The following DLG3 variants were observed in gnomAD, a reference collection of about 807,000 sequenced individuals.
The protein encoded by DLG3 is disks large homolog 3.
DLG3 carries 1 observed loss-of-function variant against 64.1 expected under a neutral mutation model. That is an observed-to-expected ratio of 0.02 (90% CI 0.01 to 0.07). The LOEUF (loss-of-function observed/expected upper bound fraction) is 0.07. Among genes scored for constraint, DLG3 ranks in the 10% least tolerant of loss-of-function variants. The pLI is 1.00. For missense variants in DLG3, 429 were observed against 669.5 expected (o/e 0.64, Z 3.96); for synonymous variants, 245 against 259.8 (o/e 0.94, Z 0.55).
chrX:70,491,567 C>T (rs1397923390), intron 10 of DLG3, among the ~76,000 whole-genome samples: 2 of 112,412 alleles, frequency 1.8e-5, no homozygotes, highest in East Asian at 2.8e-4. Flanking sequence ...AGAAAGAGAC[C>T]GCACTAGGTG....
At chrX:70,466,763 G>A (rs1400713704) in intron 9 of DLG3, among the ~76,000 whole-genome samples, 1 of 111,407 alleles carries the variant, frequency 9.0e-6, no homozygotes, top group African/African-American at 3.3e-5. Flanking sequence ...TTATCTTGAT[G>A]TACAGATGTT....
rs2086612760 is a variant in DLG3 at position 70,451,109 on chromosome X, G to T, written c.985+326G>T. Reference sequence around the variant, plus strand: ...ATCCCAGTTCTGTCTTTGTTTTTTTGTTTGTTTGTTTGAGACGGAGTCTTG... The same window carrying T: ...ATCCCAGTTCTGTCTTTGTTTTTTTTTTTGTTTGTTTGAGACGGAGTCTTG... On this transcript the variant is annotated intron_variant, in intron 6 of 18. Transcript: ENST00000374360. 14 of 286,450 alleles carry T rather than the reference G, an allele frequency of 4.9e-5. No homozygotes were observed. In the South Asian group the frequency reaches 8.6e-4, roughly 18 times the overall value. 23.6% of individuals were successfully genotyped at this position (286,450 alleles called of 1,213,427 possible).
intron 13 of DLG3, among the ~76,000 whole-genome samples, chrX:70,495,892 G>C (rs995154389): frequency 3.2e-4 from 36 of 111,187 alleles, no homozygotes; most frequent in Non-Finnish European, 5.3e-4. Flanking sequence ...TAGGGGCAAG[G>C]GTACTGTGAC....
At chrX:70,494,282 G>A (rs890231423) in intron 12 of DLG3, among the ~76,000 whole-genome samples, 1 of 112,327 alleles carries the variant, frequency 8.9e-6, no homozygotes, top group Non-Finnish European at 1.9e-5. Flanking sequence ...TAAACACCAG[G>A]TCTGGCTTGA....
chrX:70,501,012 G>T, intron 18 of DLG3, 23 bp downstream of exon 18: 1 of 1,088,137 alleles, frequency 9.2e-7, no homozygotes, highest in Non-Finnish European at 1.3e-6. Context: ...CTGCCCTGCG[G>T]GGGGTTCTGG....
intron 6 of DLG3, chrX:70,451,061 A>T: frequency 2.5e-6 from 1 of 395,843 alleles, no homozygotes; most frequent in Non-Finnish European, 4.4e-6. Context: ...GCCGCAGAGG[A>T]TAGTGCACAG....
chrX:70,495,331 C>T (rs935646929), intron 12 of DLG3, 77 bp from the exon 13 acceptor site: 5 of 964,305 alleles, frequency 5.2e-6, no homozygotes, highest in South Asian at 3.9e-5. Context: ...CCCTCTCTTC[C>T]ATTCCCTCCC....
Position 70,451,970 on chromosome X carries a change from C to A in DLG3, c.1089C>A (p.Pro363=). Residue 363 remains proline, a synonymous_variant, in exon 7 of 19, where the codon CCC becomes CCA. Transcript: ENST00000374360. ...KVSYPAPPQV[P]PTRYSPIPRH... is the part of the protein sequence containing the mutation. ...GCTACCCTGCTCCTCCTCAGGTTCCCCCCACCCGCTACTCTCCTATTCCCA... is the reference window on the plus strand; with the variant it reads ...GCTACCCTGCTCCTCCTCAGGTTCCACCCACCCGCTACTCTCCTATTCCCA... 8.3e-7 allele frequency: 1 copy of A among 1,211,257 alleles called. No individual in the cohort carries two copies. The highest frequency in any genetic ancestry group is 1.1e-6 in the Non-Finnish European group (1 of 895,280).
At chrX:70,469,527 C>T (rs769074157) in intron 9 of DLG3, among the ~76,000 whole-genome samples, 56 of 105,457 alleles carry the variant, frequency 5.3e-4, no homozygotes, top group Non-Finnish European at 9.4e-4. Flanking sequence ...ACTGCAACCT[C>T]CCCCTCCCAG....
chrX:70,482,958 C>T (rs2087191628), intron 10 of DLG3, among the ~76,000 whole-genome samples: 1 of 110,092 alleles, frequency 9.1e-6, no homozygotes, highest in Non-Finnish European at 1.9e-5. Flanking sequence ...TGAGTCACCG[C>T]GCCCTGCCCA....
In DLG3 at chrX:70,450,251, G is replaced by A. The variant is rs141106519; in HGVS notation, c.786G>A (p.Glu262=). 8 of 1,202,009 alleles carry A rather than the reference G, an allele frequency of 6.7e-6. No homozygotes were observed. The African/African-American group carries it at 1.2e-4, about 18-fold the overall frequency. ...GCATCTACATCACCAAGATCATTGA[G>A]GGGGGTGCTGCTCAGAAGGATGGAC... The part of the protein sequence containing the change: ...DNSIYITKII[E]GGAAQKDGRL... The change falls in exon 5 of 19, where the codon GAG becomes GAA. Residue 262 remains glutamate, a synonymous_variant. Transcript: ENST00000374360.
intron 1 of DLG3, among the ~76,000 whole-genome samples, chrX:70,447,396 G>T (rs1486101952): frequency 8.9e-6 from 1 of 112,179 alleles, no homozygotes; most frequent in Non-Finnish European, 1.9e-5. Context: ...GGTCTCTAAG[G>T]AGCCTTCAGT....
At chrX:70,493,846 A>T (rs1285563547) in intron 12 of DLG3, among the ~76,000 whole-genome samples, 1 of 112,511 alleles carries the variant, frequency 8.9e-6, no homozygotes, top group Non-Finnish European at 1.9e-5. Context: ...CAAGAGAACA[A>T]GGTCTAGGGA....
At position 70,445,359 on chromosome X, in the gene DLG3, G is replaced by T; in HGVS notation, c.158G>T (p.Gly53Val). The change falls in exon 1 of 19, where the codon GGC becomes GTC. Residue 53 changes from glycine (G) to valine (V), a missense_variant. Physicochemically the swap from Gly to Val is moderately radical, Grantham distance 109 (BLOSUM62 -3). Around this residue, in one of 9 missense-constraint regions of DLG3, gnomAD observed 123 missense variants for 113.3 expected, o/e 1.09. Coordinates refer to ENST00000374360, the MANE Select transcript of DLG3 (RefSeq NM_021120.4). ...GGNGASAGYG[G>V]YSSQTLPSQA... ...AACGGCGCCAGCGCGGGTTATGGGG[G>T]CTACAGCTCGCAGACCTTGCCCTCG... 1.7e-6 allele frequency: 2 copies of T among 1,174,180 alleles called. No homozygotes were observed. The highest frequency in any genetic ancestry group is 2.3e-6 in the Non-Finnish European group (2 of 877,736).
intron 9 of DLG3, among the ~76,000 whole-genome samples, chrX:70,460,897 G>T (rs2086791532): frequency 8.9e-6 from 1 of 112,256 alleles, no homozygotes; most frequent in East Asian, 2.8e-4. Context: ...TGTTGTACAT[G>T]TATCAATACT....
At chrX:70,483,286 T>TA (rs1303730749) in intron 10 of DLG3, among the ~76,000 whole-genome samples, 3 of 111,867 alleles carry the variant, frequency 2.7e-5, no homozygotes, top group Non-Finnish European at 5.6e-5. Context: ...CTTGTCTCTA[T>TA]AAAAAATTAT....
At chrX:70,446,265 G>C (rs1417334792) in intron 1 of DLG3, among the ~76,000 whole-genome samples, 1 of 110,806 alleles carries the variant, frequency 9.0e-6, no homozygotes, top group African/African-American at 3.3e-5. Flanking sequence ...GTGTGTGTGT[G>C]AGTGTGTGTT....
At chrX:70,475,390 C>T (rs1329905246) in intron 9 of DLG3, among the ~76,000 whole-genome samples, 1 of 111,307 alleles carries the variant, frequency 9.0e-6, no homozygotes, top group African/African-American at 3.3e-5. Flanking sequence ...CAGAGTCTTG[C>T]TCTGTCACCC....
intron 1 of DLG3, chrX:70,448,467 G>A: frequency 3.3e-6 from 2 of 606,147 alleles, no homozygotes; most frequent in Middle Eastern, 3.2e-4. Flanking sequence ...CAGTCAGGGA[G>A]AACTGTGGTT....
Sources: gnomAD v4.1 joint callset for allele counts (sites outside exome capture counted in the v4.1 genomes callset) on GRCh38, gnomAD v4.1.1 for gene constraint, gnomAD v4.1.1 regional missense constraint, MANE v1.5 for transcripts, NCBI Gene and HGNC (gene_info 2026-07-23, HGNC 2026-07-21) for gene names.